The following SLC44A3 variants were observed in gnomAD, a reference collection of about 807,000 sequenced individuals.
SLC44A3 encodes solute carrier family 44 member 3.
A neutral mutation model predicts 75.4 loss-of-function variants in SLC44A3; 74 were observed. That is an observed-to-expected ratio of 0.98 (90% CI 0.81 to 1.19). The LOEUF is 1.19. Ranked by LOEUF, SLC44A3 falls within the 50% of genes most tolerant of loss-of-function variation. The probability of loss-of-function intolerance (pLI) is 0.00; values close to 1 mark genes in which losing one functional copy is unlikely to be tolerated. For synonymous variants in SLC44A3, 310 were observed against 296.9 expected (o/e 1.04, Z -0.45); for missense variants, 700 against 778.6 (o/e 0.90, Z 1.20).
Position 94,892,438 on chromosome 1 carries a change from T to C in SLC44A3, c.1778T>C (p.Leu593Pro). Residue 593 changes from leucine to proline, a missense_variant, in exon 14 of 15, where the codon CTT (leucine) becomes CCT (proline). Coordinates refer to ENST00000271227, the MANE Select transcript of SLC44A3 (RefSeq NM_001114106.3). ...GTGTTTGAAACTGTGCTGGATGCAC[T>C]TTTCCTGTGTTTTGCTGTTGATCTG... is the stretch of plus-strand genomic sequence containing the variant. ...LSVFETVLDALFLCFAVDLET... is the reference protein window; with the variant it reads ...LSVFETVLDAPFLCFAVDLET... The C allele has an allele frequency of 1.2e-6, 2 of 1,614,232 alleles. No homozygotes were observed. Among genetic ancestry groups the C allele is most frequent in the Non-Finnish European group, 1.7e-6 (2 of 1,180,038 alleles).
In SLC44A3 at chr1:94,839,972, C is replaced by A; in HGVS notation, c.695C>A (p.Thr232Asn). The A allele has an allele frequency of 6.2e-7, 1 of 1,614,062 alleles. No individual in the cohort carries two copies. Among genetic ancestry groups the A allele is most frequent in the African/African-American group, 1.3e-5 (1 of 75,020 alleles). The change falls in exon 7 of 15, where the codon ACC becomes AAC. Residue 232 changes from threonine (T) to asparagine (N), a missense_variant. Thr to Asn is a moderately conservative substitution (Grantham distance 65, BLOSUM62 0). Coordinates refer to ENST00000271227, the MANE Select transcript of SLC44A3 (RefSeq NM_001114106.3). ...ALALSLAMMF[T>N]FRFITTLLVH... is the part of the protein sequence containing the mutation. ...GCCTTGTCTTTGGCCATGATGTTTA[C>A]CTTCAGATTCATCACCACCCTTCTG...
chr1:94,827,976 G>A (rs1018691913), intron 4 of SLC44A3, among the ~76,000 whole-genome samples: 3 of 152,132 alleles, frequency 2.0e-5, no homozygotes, highest in South Asian at 2.1e-4. Flanking sequence ...CTCCATGCAC[G>A]TGGGCACATC....
chr1:94,857,432 T>C lies in SLC44A3; in HGVS notation c.1170T>C (p.Thr390=). The change falls in exon 10 of 15, where the codon ACT becomes ACC. Residue 390 remains threonine (T), a synonymous_variant. Coordinates refer to ENST00000271227, the MANE Select transcript of SLC44A3 (RefSeq NM_001114106.3). ...WSYHLIGLIW[T]SEFILACQQM... is the part of the protein sequence containing the mutation. ...ACCATTTAATTGGCCTCATCTGGAC[T>C]AGTGAATTCATCCTTGCGTGCCAGC... 1.2e-6 allele frequency: 2 copies of C among 1,614,140 alleles called. No homozygotes were observed. The highest frequency in any genetic ancestry group is 1.7e-6 in the Non-Finnish European group (2 of 1,180,006).
At chr1:94,825,807 C>T (rs905783489) in intron 3 of SLC44A3, 6 of 455,984 alleles carry the variant, frequency 1.3e-5, no homozygotes, top group Admixed American at 4.7e-5. Context: ...GGACTAATTA[C>T]GGAGCATTTT....
intron 9 of SLC44A3, among the ~76,000 whole-genome samples, chr1:94,852,979 G>T (rs1665403337): frequency 6.6e-6 from 1 of 152,222 alleles, no homozygotes; most frequent in Non-Finnish European, 1.5e-5. Context: ...ATCTGAGTCT[G>T]AAGTTAGTGG....
chr1:94,825,343 T>G (rs115363258), intron 3 of SLC44A3, among the ~76,000 whole-genome samples: 2,809 of 152,316 alleles, frequency 0.018, 85 homozygotes, highest in African/African-American at 0.065. Context: ...TATTTTTTAT[T>G]TTTTTGAGAC....
chr1:94,860,828 A>C (rs1159840984), intron 10 of SLC44A3, among the ~76,000 whole-genome samples: 1 of 152,204 alleles, frequency 6.6e-6, no homozygotes, highest in Non-Finnish European at 1.5e-5. Context: ...AGAGAGGAAA[A>C]CATGAGTTTC....
intron 8 of SLC44A3, among the ~76,000 whole-genome samples, chr1:94,843,878 T>TGGGGGGGGGGGA (rs1239277453): frequency 3.5e-5 from 1 of 28,694 alleles, no homozygotes; most frequent in South Asian, 1.3e-3. Context: ...TGGGGCGGGG[T>TGGGGGGGGGGGA]GGGGGGGGTG....
intron 6 of SLC44A3, chr1:94,839,006 C>T (rs1211774781): frequency 6.6e-6 from 1 of 152,166 alleles, no homozygotes; most frequent in Non-Finnish European, 1.5e-5. Context: ...GAAACTGAGG[C>T]TTAGAGAGGT....
intron 9 of SLC44A3, among the ~76,000 whole-genome samples, chr1:94,845,731 GA>G (rs1322582813): frequency 6.6e-6 from 1 of 152,152 alleles, no homozygotes; most frequent in African/African-American, 2.4e-5. Context: ...ACTACAATAT[GA>G]ACAAAGGCCA....
chr1:94,824,195 A>G (rs1660986841), intron 2 of SLC44A3, among the ~76,000 whole-genome samples: 1 of 152,220 alleles, frequency 6.6e-6, no homozygotes, highest in African/African-American at 2.4e-5. Context: ...GTAAAGTTAG[A>G]CCAAAAAGAA....
intron 13 of SLC44A3, among the ~76,000 whole-genome samples, chr1:94,891,857 A>ACT (rs1670252935): frequency 6.6e-6 from 1 of 151,824 alleles, no homozygotes; most frequent in Admixed American, 6.6e-5. Flanking sequence ...TGGGAGGCGG[A>ACT]GGTTGCAGTG....
chr1:94,894,107 C>G (rs548216681), intron 14 of SLC44A3, among the ~76,000 whole-genome samples: 2 of 151,828 alleles, frequency 1.3e-5, no homozygotes, highest in Admixed American at 6.6e-5. Context: ...CCACCTCCCC[C>G]CCAAAAAAAA....
chr1:94,835,895 C>G (rs1662720691), intron 5 of SLC44A3, among the ~76,000 whole-genome samples: 1 of 152,188 alleles, frequency 6.6e-6, no homozygotes. Flanking sequence ...GCTGTTTGGT[C>G]TCTTGTACTT....
intron 9 of SLC44A3, among the ~76,000 whole-genome samples, chr1:94,850,104 C>T (rs985736186): frequency 4.6e-5 from 7 of 152,050 alleles, no homozygotes; most frequent in Non-Finnish European, 7.4e-5. Flanking sequence ...TAGGAGTGAA[C>T]TTGGGTTGAT....
At chr1:94,888,622 A>C in intron 12 of SLC44A3, 1 of 982,336 alleles carries the variant, frequency 1.0e-6, no homozygotes, top group Non-Finnish European at 1.2e-6. Flanking sequence ...CCAAAACCAA[A>C]ATTTCCTTGT....
At chr1:94,856,249 A>T (rs1159572272) in intron 9 of SLC44A3, among the ~76,000 whole-genome samples, 2 of 152,182 alleles carry the variant, frequency 1.3e-5, no homozygotes, top group South Asian at 2.1e-4. Context: ...GTACTTTCCA[A>T]GTACTCTCAC....
chr1:94,857,256 A>G, intron 9 of SLC44A3, 79 bp from the exon 10 acceptor site: 5 of 1,412,032 alleles, frequency 3.5e-6, no homozygotes, highest in Non-Finnish European at 4.7e-6. Context: ...GGCCAAGCAT[A>G]AAGAAACATG....
In SLC44A3 at chr1:94,822,672, G is replaced by A. The variant is rs576206425; in HGVS notation, c.135+1616G>A. 5.3e-5 allele frequency among the ~76,000 whole-genome samples: 8 copies of A among 152,256 alleles called. No homozygotes were observed. In the East Asian group the frequency reaches 1.2e-3, roughly 22 times the overall value. Reference sequence around the variant, plus strand: ...GTGTTTATATTTGCATTAAACATAAGGAACAAAGTCTCAAAGTCTGGACTA... The same window carrying A: ...GTGTTTATATTTGCATTAAACATAAAGAACAAAGTCTCAAAGTCTGGACTA... On this transcript the variant is annotated intron_variant, in intron 2 of 14. Transcript: ENST00000271227.
Sources: gnomAD v4.1 joint callset for allele counts (sites outside exome capture counted in the v4.1 genomes callset) on GRCh38, gnomAD v4.1.1 for gene constraint, MANE v1.5 for transcripts, NCBI Gene and HGNC (gene_info 2026-07-23, HGNC 2026-07-21) for gene names.